The following BRINP3 variants were observed in gnomAD, a reference collection of about 807,000 sequenced individuals.
BRINP3 encodes BMP/retinoic acid-inducible neural-specific protein 3.
A neutral mutation model predicts 71.0 loss-of-function variants in BRINP3; 19 were observed. The observed-to-expected ratio is 0.27, with a 90% CI of 0.19 to 0.39. The LOEUF is 0.39. Among genes scored for constraint, BRINP3 ranks in the 10% least tolerant of loss-of-function variants. The probability of loss-of-function intolerance (pLI) is 1.00; values close to 1 mark genes in which losing one functional copy is unlikely to be tolerated. For missense variants in BRINP3, 959 were observed against 940.8 expected, an observed-to-expected ratio of 1.02 and a Z score of -0.25; for synonymous variants, 380 against 337.7, an observed-to-expected ratio of 1.13 and a Z score of -1.37.
chr1:190,099,087 T>C lies in BRINP3; in HGVS notation c.1232A>G (p.Asn411Ser), dbSNP rs1478654540. ...AAAGCTGCCTAGGAGGCCGTTCTCA[T>C]TGCAGTAGAGAAAAGACTGGATGCG... is the stretch of plus-strand genomic sequence containing the variant. ...LTRIQSFLYC[N>S]ENGLLGSFSE... The change falls in exon 8 of 8, where the codon AAT (asparagine) becomes AGT (serine). Residue 411 changes from asparagine (N) to serine (S), a missense_variant. Coordinates refer to ENST00000367462, the MANE Select transcript of BRINP3 (RefSeq NM_199051.3). The C allele has an allele frequency of 1.2e-6, 2 of 1,614,080 alleles. No individual in the cohort carries two copies. The highest frequency in any genetic ancestry group is 1.7e-6 in the Non-Finnish European group (2 of 1,179,964).
intron 6 of BRINP3, among the ~76,000 whole-genome samples, chr1:190,225,205 C>T (rs1657239475): frequency 6.6e-6 from 1 of 151,840 alleles, no homozygotes; most frequent in Non-Finnish European, 1.5e-5. Context: ...TCCCAATAAC[C>T]AAATACGGAT....
intron 1 of BRINP3, among the ~76,000 whole-genome samples, chr1:190,458,625 T>A (rs192567067): frequency 6.6e-6 from 1 of 152,056 alleles, no homozygotes; most frequent in Admixed American, 6.6e-5. Context: ...TATTAATCCA[T>A]GTGTCAGAGA....
chr1:190,126,316 C>T (rs865987859), intron 7 of BRINP3, among the ~76,000 whole-genome samples: 2 of 151,964 alleles, frequency 1.3e-5, no homozygotes, highest in South Asian at 4.2e-4. Context: ...TGTATCTCTG[C>T]ACTTCCCATA....
At chr1:190,099,321 C>T (rs1436355571) in intron 7 of BRINP3, among the ~76,000 whole-genome samples, 187 bp from the exon 8 acceptor site, 2 of 151,730 alleles carry the variant, frequency 1.3e-5, no homozygotes, top group African/African-American at 4.9e-5. Flanking sequence ...CACACACACA[C>T]ACACACAGAC....
At chr1:190,236,044 G>C (rs1466725604) in intron 4 of BRINP3, among the ~76,000 whole-genome samples, 1 of 151,916 alleles carries the variant, frequency 6.6e-6, no homozygotes, top group Non-Finnish European at 1.5e-5. Flanking sequence ...GAAACATAAG[G>C]AGAAACTTCG....
intron 2 of BRINP3, among the ~76,000 whole-genome samples, 186 bp from the exon 3 acceptor site, chr1:190,281,936 T>C (rs1342900110): frequency 4.6e-5 from 7 of 151,862 alleles, no homozygotes. Flanking sequence ...TAAAACCAAG[T>C]CATGTAAAGG....
chr1:190,126,759 A>G (rs1654117478), intron 7 of BRINP3, among the ~76,000 whole-genome samples: 1 of 151,832 alleles, frequency 6.6e-6, no homozygotes, highest in Non-Finnish European at 1.5e-5. Flanking sequence ...TTTCCTTCAT[A>G]GATTTTAATA....
chr1:190,303,648 G>A (rs1402939010), intron 2 of BRINP3, among the ~76,000 whole-genome samples: 1 of 151,612 alleles, frequency 6.6e-6, no homozygotes, highest in Non-Finnish European at 1.5e-5. Flanking sequence ...TAAGTATGAG[G>A]ACACTTCTGA....
intron 2 of BRINP3, among the ~76,000 whole-genome samples, chr1:190,375,339 A>T (rs1670116707): frequency 6.6e-6 from 1 of 152,048 alleles, no homozygotes; most frequent in South Asian, 2.1e-4. Context: ...AGTGTAAAAG[A>T]CAAGGCCATG....
At chr1:190,290,978 T>C (rs1663820040) in intron 2 of BRINP3, among the ~76,000 whole-genome samples, 2 of 150,664 alleles carry the variant, frequency 1.3e-5, no homozygotes, top group South Asian at 4.2e-4. Flanking sequence ...ATATGGAGTA[T>C]AGAGAGAGAG....
intron 2 of BRINP3, among the ~76,000 whole-genome samples, chr1:190,425,150 G>A (rs534916439): frequency 6.6e-6 from 1 of 151,646 alleles, no homozygotes; most frequent in Non-Finnish European, 1.5e-5. Flanking sequence ...AGACAATATA[G>A]GTGATAGTTT....
chr1:190,437,053 T>C (rs2102537007), intron 2 of BRINP3, among the ~76,000 whole-genome samples: 1 of 151,718 alleles, frequency 6.6e-6, no homozygotes, highest in Admixed American at 6.6e-5. Context: ...AAGCAATCTG[T>C]ATAATCAATA....
At chr1:190,294,279 G>A (rs909454448) in intron 2 of BRINP3, among the ~76,000 whole-genome samples, 35 of 142,656 alleles carry the variant, frequency 2.5e-4, no homozygotes, top group African/African-American at 9.1e-4. Flanking sequence ...TTTTTTTTGA[G>A]TCAGGGTCTC....
chr1:190,291,565 AC>A (rs1663869125), intron 2 of BRINP3, among the ~76,000 whole-genome samples: 1 of 152,300 alleles, frequency 6.6e-6, no homozygotes, highest in East Asian at 1.9e-4. Context: ...ATTCAACATC[AC>A]TAATCATCAG....
intron 4 of BRINP3, among the ~76,000 whole-genome samples, chr1:190,250,815 G>A (rs953824784): frequency 1.3e-5 from 2 of 151,942 alleles, no homozygotes; most frequent in African/African-American, 4.8e-5. Context: ...CAGTGATTAT[G>A]GGTGGAAATA....
At chr1:190,386,438 AATT>A (rs1670913754) in intron 2 of BRINP3, among the ~76,000 whole-genome samples, 1 of 151,714 alleles carries the variant, frequency 6.6e-6, no homozygotes, top group South Asian at 2.1e-4. Context: ...ATATATTAAT[AATT>A]AAGTTTTATT....
chr1:190,449,682 T>C (rs1675475380), intron 2 of BRINP3, among the ~76,000 whole-genome samples: 1 of 152,158 alleles, frequency 6.6e-6, no homozygotes, highest in East Asian at 1.9e-4. Context: ...TGTTGATCAG[T>C]GCCTCCAAAT....
chr1:190,205,843 A>G (rs1655446697), intron 6 of BRINP3, among the ~76,000 whole-genome samples: 1 of 152,038 alleles, frequency 6.6e-6, no homozygotes, highest in Non-Finnish European at 1.5e-5. Flanking sequence ...GATAAACCCC[A>G]TAATAGAGGT....
chr1:190,312,463 A>G (rs1263097322), intron 2 of BRINP3, among the ~76,000 whole-genome samples: 1 of 151,656 alleles, frequency 6.6e-6, no homozygotes, highest in African/African-American at 2.4e-5. Context: ...TTCTACCCTG[A>G]CATATTGAAA....
Sources: allele counts gnomAD v4.1 joint callset (sites outside exome capture counted in the v4.1 genomes callset), GRCh38; gene constraint gnomAD v4.1.1; transcripts MANE v1.5; gene names NCBI Gene and HGNC (gene_info 2026-07-23, HGNC 2026-07-21).